PTPRK: variants seen among roughly 807,000 people sequenced by gnomAD.
PTPRK encodes receptor-type tyrosine-protein phosphatase kappa.
In PTPRK, 75 loss-of-function variants were observed where a neutral mutation model predicts 178.0. That is an observed-to-expected ratio of 0.42 (90% CI 0.35 to 0.51). PTPRK has a LOEUF of 0.51. Ranked by LOEUF, PTPRK falls within the 20% of genes least tolerant of loss-of-function variation. The pLI, the probability that PTPRK is intolerant of heterozygous loss-of-function variation, is 0.02. For synonymous variants in PTPRK, 637 were observed against 620.6 expected (o/e 1.03, Z -0.39); for missense variants, 1,441 against 1,797.8 (o/e 0.80, Z 3.59).
intron 3 of PTPRK, among the ~76,000 whole-genome samples, chr6:128,304,731 T>A (rs1377230331): frequency 6.6e-6 from 1 of 152,218 alleles, no homozygotes; most frequent in Non-Finnish European, 1.5e-5. Flanking sequence ...TTCAAGAGAA[T>A]TCAGTAGAAC....
chr6:128,228,303 A>C (rs965393296), intron 5 of PTPRK, among the ~76,000 whole-genome samples: 2 of 152,066 alleles, frequency 1.3e-5, no homozygotes, highest in Non-Finnish European at 2.9e-5. Flanking sequence ...CAGAGAAAAC[A>C]GAAGTCTCTA....
At chr6:128,381,593 T>C (rs546554094) in intron 2 of PTPRK, among the ~76,000 whole-genome samples, 33 of 152,278 alleles carry the variant, frequency 2.2e-4, no homozygotes, top group Admixed American at 5.9e-4. Context: ...GCAAATATTA[T>C]TCATTCACCA....
intron 3 of PTPRK, among the ~76,000 whole-genome samples, chr6:128,278,447 C>T (rs543830943): frequency 2.6e-5 from 4 of 152,270 alleles, no homozygotes; most frequent in South Asian, 4.1e-4. Flanking sequence ...TGAGCCACTG[C>T]ACCTGGCCAG....
intron 22 of PTPRK, 122 bp from the exon 23 acceptor site, chr6:127,983,499 G>A (rs1775600630): frequency 2.0e-6 from 2 of 1,008,206 alleles, no homozygotes; most frequent in South Asian, 1.8e-5. Context: ...GCAAGGCACA[G>A]CACTTGTCCC....
At chr6:128,460,347 C>CGGT (rs1253172628) in intron 1 of PTPRK, among the ~76,000 whole-genome samples, 1 of 151,788 alleles carries the variant, frequency 6.6e-6, no homozygotes, top group Non-Finnish European at 1.5e-5. Context: ...AAGTGGAGAC[C>CGGT]AGCCTAGCAA....
At chr6:127,999,240 G>A (rs1393543150) in intron 15 of PTPRK, among the ~76,000 whole-genome samples, 4 of 151,984 alleles carry the variant, frequency 2.6e-5, no homozygotes, top group African/African-American at 9.7e-5. Context: ...GGGACCAGAG[G>A]ACCCAGCTGT....
At chr6:128,322,903 T>C (rs1301093986) in intron 2 of PTPRK, among the ~76,000 whole-genome samples, 1 of 152,046 alleles carries the variant, frequency 6.6e-6, no homozygotes. Flanking sequence ...GAGGACACTT[T>C]GTAGTGTCAG....
At chr6:128,410,519 GA>G (rs1300621221) in intron 1 of PTPRK, among the ~76,000 whole-genome samples, 1 of 152,104 alleles carries the variant, frequency 6.6e-6, no homozygotes, top group African/African-American at 2.4e-5. Flanking sequence ...ATGTTTTCAA[GA>G]AATATTATTT....
intron 3 of PTPRK, among the ~76,000 whole-genome samples, chr6:128,301,020 C>T (rs537107831): frequency 8.6e-5 from 13 of 151,654 alleles, no homozygotes; most frequent in African/African-American, 2.2e-4. Flanking sequence ...TAACCACCTT[C>T]CCCAACAGGA....
chr6:127,985,569 A>G (rs1377603250), intron 22 of PTPRK, 152 bp downstream of exon 22: 6 of 840,892 alleles, frequency 7.1e-6, no homozygotes, highest in Non-Finnish European at 1.0e-5. Context: ...ACTTACAGCC[A>G]ACTTTTATTT....
chr6:128,120,199 C>G (rs550636030), intron 7 of PTPRK, among the ~76,000 whole-genome samples: 26 of 151,916 alleles, frequency 1.7e-4, no homozygotes, highest in Admixed American at 1.0e-3. Flanking sequence ...CTAGTTTTTC[C>G]TATGCAAATC....
At chr6:128,382,950 T>C (rs1309266167) in intron 2 of PTPRK, among the ~76,000 whole-genome samples, 1 of 152,178 alleles carries the variant, frequency 6.6e-6, no homozygotes, top group Non-Finnish European at 1.5e-5. Context: ...TCCTATTTTT[T>C]AAAGGGCTTA....
Position 128,044,425 on chromosome 6 carries a change from T to G in PTPRK, c.2194+20333A>C, listed in dbSNP as rs190056836. ...CTTACAATCTCTTCTCCATGGAGTATCCAGAGTGATCCTTAAAAGCACAGA... is the reference window on the plus strand; with the variant it reads ...CTTACAATCTCTTCTCCATGGAGTAGCCAGAGTGATCCTTAAAAGCACAGA... On this transcript the variant is annotated intron_variant, in intron 13 of 29. Transcript: ENST00000368226. Among the ~76,000 whole-genome samples the G allele has an allele frequency of 8.9e-4, 135 of 152,076 alleles. 2 individuals are homozygous for G. The highest frequency in any genetic ancestry group is 8.7e-3 in the Admixed American group (133 of 15,226).
At chr6:128,005,317 G>T (rs1778292898) in intron 14 of PTPRK, 73 bp from the exon 15 acceptor site, 2 of 1,442,298 alleles carry the variant, frequency 1.4e-6, no homozygotes, top group South Asian at 1.2e-5. Context: ...GCAATAAATA[G>T]TCCAGGTGAG....
At chr6:128,141,566 G>A (rs1266336420) in intron 7 of PTPRK, among the ~76,000 whole-genome samples, 19 of 151,778 alleles carry the variant, frequency 1.3e-4, no homozygotes, top group South Asian at 8.3e-4. Flanking sequence ...TTGGAGTATG[G>A]AGTCCTCCAA....
At chr6:128,435,442 A>T (rs1025089430) in intron 1 of PTPRK, among the ~76,000 whole-genome samples, 6 of 146,706 alleles carry the variant, frequency 4.1e-5, no homozygotes, top group South Asian at 2.1e-4. Flanking sequence ...TTTTTAATTT[A>T]AAAAAAAAAC....
chr6:128,321,201 G>C (rs1828738856), intron 3 of PTPRK: 1 of 152,128 alleles, frequency 6.6e-6, no homozygotes. Context: ...ATTCTCTTTA[G>C]GCTTTATAAT....
intron 11 of PTPRK, among the ~76,000 whole-genome samples, chr6:128,077,720 T>G (rs753998249): frequency 6.6e-6 from 1 of 152,130 alleles, no homozygotes; most frequent in Non-Finnish European, 1.5e-5. Context: ...CAAAATCACG[T>G]TTCAAATGGA....
intron 6 of PTPRK, among the ~76,000 whole-genome samples, chr6:128,198,254 GC>G (rs1016878357): frequency 5.3e-5 from 8 of 152,174 alleles, no homozygotes; most frequent in Admixed American, 2.6e-4. Context: ...TGAGAAAGAT[GC>G]AAACTTCCTA....
Sources: gnomAD v4.1 joint callset for allele counts (sites outside exome capture counted in the v4.1 genomes callset) on GRCh38, gnomAD v4.1.1 for gene constraint, MANE v1.5 for transcripts, NCBI Gene and HGNC (gene_info 2026-07-23, HGNC 2026-07-21) for gene names.